Variants in GPR158 observed in about 807,000 individuals in gnomAD.
GPR158 encodes the protein G protein-coupled receptor 158.
GPR158 carries 30 observed loss-of-function variants against 78.2 expected under a neutral mutation model. The observed-to-expected ratio is 0.38, with a 90% CI of 0.29 to 0.52. GPR158 has a LOEUF of 0.52. Ranked by LOEUF, GPR158 falls within the 20% of genes least tolerant of loss-of-function variation. The probability of loss-of-function intolerance (pLI) is 0.83; values close to 1 mark genes in which losing one functional copy is unlikely to be tolerated. For synonymous variants in GPR158, 581 were observed against 591.1 expected, an observed-to-expected ratio of 0.98 and a Z score of 0.25; for missense variants, 1,463 against 1,523.5, an observed-to-expected ratio of 0.96 and a Z score of 0.66.
intron 9 of GPR158, among the ~76,000 whole-genome samples, chr10:25,595,225 G>A (rs1414631927): frequency 1.3e-5 from 2 of 152,224 alleles, no homozygotes; most frequent in Middle Eastern, 3.4e-3. Flanking sequence ...CCAGAACATT[G>A]AGATTCAGCC....
chr10:25,347,313 T>C (rs540715393), intron 2 of GPR158, among the ~76,000 whole-genome samples: 6 of 152,114 alleles, frequency 3.9e-5, no homozygotes, highest in African/African-American at 1.4e-4. Context: ...TCACATCTCT[T>C]TCTGACCACA....
Position 25,553,883 on chromosome 10 carries a change from G to A in GPR158, c.1514+2798G>A, listed in dbSNP as rs541794485. On this transcript the variant is annotated intron_variant, in intron 6 of 10. Coordinates refer to ENST00000376351, the MANE Select transcript of GPR158 (RefSeq NM_020752.3). ...CATCTGAGAATTAGTTTTCTCATCC[G>A]TAAGATGGTTTAAAGTTTAATAACT... 7.9e-5 allele frequency among the ~76,000 whole-genome samples: 12 copies of A among 152,278 alleles called. No homozygotes were observed. In the South Asian group the frequency reaches 1.5e-3, roughly 18 times the overall value.
At chr10:25,202,540 C>G (rs968271181) in intron 1 of GPR158, among the ~76,000 whole-genome samples, 1 of 151,994 alleles carries the variant, frequency 6.6e-6, no homozygotes, top group South Asian at 2.1e-4. Flanking sequence ...TTGCTCAGAA[C>G]GATGGTTTCC....
At chr10:25,426,041 A>C (rs7901978) in intron 4 of GPR158, among the ~76,000 whole-genome samples, 1 of 152,030 alleles carries the variant, frequency 6.6e-6, no homozygotes, top group Non-Finnish European at 1.5e-5. Flanking sequence ...TAAACAAACT[A>C]AGTTAAAATT....
At position 25,526,103 on chromosome 10, in the gene GPR158, TAAAAAA is replaced by T. The variant is rs4017850; in HGVS notation, c.1405-24850_1405-24845del. 2.2e-4 allele frequency among the ~76,000 whole-genome samples: 15 copies of T among 69,202 alleles called. No individual in the cohort carries two copies. In the East Asian group the frequency reaches 2.3e-3, roughly 11 times the overall value. 45.4% of individuals were successfully genotyped at this position (69,202 alleles called of 152,430 possible). A position where few individuals can be genotyped will look rare whatever the true frequency, so the allele number is the denominator to read the frequency against. On this transcript the variant is annotated intron_variant, in intron 5 of 10. Transcript: ENST00000376351. ...GCCTGGGCGACAGTCCAATTTTGTC[TAAAAAA>T]AAAAAAAAAAAAAAAAAAAAAAGTC...
chr10:25,537,525 T>A (rs933635972), intron 5 of GPR158, among the ~76,000 whole-genome samples: 3 of 152,254 alleles, frequency 2.0e-5, no homozygotes, highest in African/African-American at 7.2e-5. Context: ...GTCAACATTG[T>A]TTACTTTGTG....
chr10:25,408,913 G>A (rs1834551384), intron 3 of GPR158, among the ~76,000 whole-genome samples: 1 of 152,192 alleles, frequency 6.6e-6, no homozygotes, highest in Non-Finnish European at 1.5e-5. Flanking sequence ...CATGGCACAA[G>A]ATGTGAGAAC....
At chr10:25,253,095 C>T (rs1303419128) in intron 2 of GPR158, among the ~76,000 whole-genome samples, 1 of 152,156 alleles carries the variant, frequency 6.6e-6, no homozygotes, top group Non-Finnish European at 1.5e-5. Context: ...GTCCGTCACC[C>T]CTTTCTTTGA....
intron 4 of GPR158, among the ~76,000 whole-genome samples, chr10:25,446,980 AGATAAAGGCGTTATCT>A (rs1292649863): frequency 3.3e-5 from 5 of 152,202 alleles, no homozygotes; most frequent in Non-Finnish European, 7.3e-5. Flanking sequence ...GTTCCCTTTC[AGATAAAGGCGTTATCT>A]GAGGCCAGGA....
chr10:25,596,053 G>A (rs1222890326), intron 9 of GPR158, among the ~76,000 whole-genome samples: 1 of 152,018 alleles, frequency 6.6e-6, no homozygotes, highest in Non-Finnish European at 1.5e-5. Context: ...AATAAATAAG[G>A]TAAGTATTTT....
chr10:25,290,359 T>C (rs1588778110), intron 2 of GPR158, among the ~76,000 whole-genome samples: 1 of 152,316 alleles, frequency 6.6e-6, no homozygotes, highest in East Asian at 1.9e-4. Flanking sequence ...AGGTTAGTAT[T>C]TAAGAAGAAA....
At chr10:25,533,509 G>A (rs989055352) in intron 5 of GPR158, among the ~76,000 whole-genome samples, 26 of 152,162 alleles carry the variant, frequency 1.7e-4, no homozygotes, top group African/African-American at 6.3e-4. Context: ...TCTCTCAGTA[G>A]TTTAATCTCT....
At chr10:25,177,007 C>G (rs1852546415) in intron 1 of GPR158, among the ~76,000 whole-genome samples, 1 of 152,126 alleles carries the variant, frequency 6.6e-6, no homozygotes. Flanking sequence ...TCCTCGGTGG[C>G]CTTTTCCTCC....
At chr10:25,530,934 C>T (rs1227458084) in intron 5 of GPR158, among the ~76,000 whole-genome samples, 1 of 125,958 alleles carries the variant, frequency 7.9e-6, no homozygotes, top group Non-Finnish European at 1.7e-5. Context: ...TTCCCTTCTA[C>T]TTTGCATCAA....
intron 1 of GPR158, among the ~76,000 whole-genome samples, chr10:25,204,817 G>GTTT (rs1852995618): frequency 7.6e-6 from 1 of 130,960 alleles, no homozygotes; most frequent in African/African-American, 4.0e-5. Context: ...AGTCTCTGAG[G>GTTT]GTTTTTTTTT....
intron 4 of GPR158, among the ~76,000 whole-genome samples, chr10:25,425,613 C>T (rs1297058343): frequency 6.6e-6 from 1 of 150,936 alleles, no homozygotes; most frequent in Non-Finnish European, 1.5e-5. Flanking sequence ...GTAAACGGCC[C>T]ATGGAGTGGG....
In GPR158 at chr10:25,241,167, TTCTTTCTTTC is replaced by T. The variant is rs1412381110; in HGVS notation, c.1008+20012_1008+20021del. On this transcript the variant is annotated intron_variant, in intron 2 of 10. Coordinates refer to ENST00000376351, the MANE Select transcript of GPR158 (RefSeq NM_020752.3). The stretch of plus-strand genomic sequence containing the variant: ...TTTCTTTCTTTCTTTCTTTCTTTCT[TTCTTTCTTTC>T]TTTCTTTCTTTCCTTTCTTTCTTTC... 2.5e-5 allele frequency among the ~76,000 whole-genome samples: 3 copies of T among 119,074 alleles called. 1 individual carries two copies. Among genetic ancestry groups the T allele is most frequent in the Non-Finnish European group, 5.0e-5 (3 of 59,606 alleles). 78.1% of individuals were successfully genotyped at this position (119,074 alleles called of 152,430 possible).
chr10:25,292,133 C>A (rs1854447350), intron 2 of GPR158, among the ~76,000 whole-genome samples: 1 of 151,750 alleles, frequency 6.6e-6, no homozygotes, highest in African/African-American at 2.4e-5. Flanking sequence ...ATATATCATC[C>A]CCCAAGAAAC....
intron 2 of GPR158, among the ~76,000 whole-genome samples, chr10:25,248,449 T>A (rs574867706): frequency 1.1e-4 from 16 of 152,010 alleles, no homozygotes; most frequent in African/African-American, 3.1e-4. Context: ...TGGTTTTAGG[T>A]CTAACATTTA....
Sources: allele counts gnomAD v4.1 joint callset (sites outside exome capture counted in the v4.1 genomes callset), GRCh38; gene constraint gnomAD v4.1.1; transcripts MANE v1.5; gene names NCBI Gene and HGNC (gene_info 2026-07-23, HGNC 2026-07-21).